FAM227B: variants seen among roughly 807,000 people sequenced by gnomAD.
FAM227B encodes the protein protein FAM227B.
A neutral mutation model predicts 73.8 loss-of-function variants in FAM227B; 88 were observed. That is an observed-to-expected ratio of 1.19 (90% CI 1.00 to 1.42). FAM227B has a LOEUF of 1.42. Among genes scored for constraint, FAM227B ranks in the 40% most tolerant of loss-of-function variants. The pLI is 0.00. For synonymous variants in FAM227B, 210 were observed against 190.5 expected (o/e 1.10, Z -0.84); for missense variants, 632 against 590.9 (o/e 1.07, Z -0.72).
intron 12 of FAM227B, among the ~76,000 whole-genome samples, chr15:49,368,164 T>C (rs1307223609): frequency 6.6e-6 from 1 of 151,856 alleles, no homozygotes; most frequent in Non-Finnish European, 1.5e-5. Flanking sequence ...TGGGATAGCA[T>C]AGAGGTGCTG....
At chr15:49,424,612 C>T (rs377247133) in intron 11 of FAM227B, 6 of 1,491,102 alleles carry the variant, frequency 4.0e-6, no homozygotes, top group African/African-American at 2.8e-5. Context: ...TGCTCATGAA[C>T]CTTAGCAATC....
chr15:49,335,618 A>G, intron 13 of FAM227B, 122 bp from the exon 14 acceptor site: 1 of 612,768 alleles, frequency 1.6e-6, no homozygotes, highest in East Asian at 2.7e-5. Flanking sequence ...AAGAGTCTCA[A>G]GTATAAACAT....
rs115552308 is a variant in FAM227B at position 49,602,178 on chromosome 15, T to C, written c.105+9037A>G. On this transcript the variant is annotated intron_variant, in intron 3 of 15. Coordinates refer to ENST00000299338, the MANE Select transcript of FAM227B (RefSeq NM_152647.3). The stretch of plus-strand genomic sequence containing the variant: ...TACACTCAGCAGTGGGACTGCTAGA[T>C]TGTATGGTAGCTCTATCTTTAGATT... 8.1e-3 allele frequency among the ~76,000 whole-genome samples: 1,236 copies of C among 152,304 alleles called. 20 individuals are homozygous for C. Among genetic ancestry groups the C allele is most frequent in the African/African-American group, 0.029 (1,199 of 41,566 alleles).
At chr15:49,611,330 A>G (rs1161485604) in intron 2 of FAM227B, 62 bp from the exon 3 acceptor site, 5 of 832,216 alleles carry the variant, frequency 6.0e-6, no homozygotes, top group African/African-American at 1.7e-5. Flanking sequence ...CATAATATTT[A>G]CAAATAATTT....
intron 11 of FAM227B, chr15:49,487,160 T>A (rs2056462499): frequency 6.6e-6 from 1 of 151,870 alleles, no homozygotes; most frequent in South Asian, 2.1e-4. Context: ...CTGTGATGAT[T>A]TGACTCAAAA....
At chr15:49,368,933 A>G (rs1457387549) in intron 12 of FAM227B, among the ~76,000 whole-genome samples, 1 of 152,090 alleles carries the variant, frequency 6.6e-6, no homozygotes, top group Non-Finnish European at 1.5e-5. Context: ...ATTAAATGCA[A>G]TCCCGTGGTG....
At chr15:49,352,603 AT>A (rs138208207) in intron 13 of FAM227B, among the ~76,000 whole-genome samples, 3 of 152,116 alleles carry the variant, frequency 2.0e-5, no homozygotes, top group South Asian at 2.1e-4. Flanking sequence ...GTTATGCATA[AT>A]TTTTTTGTCC....
At chr15:49,390,615 C>T (rs2047153448) in intron 11 of FAM227B, among the ~76,000 whole-genome samples, 1 of 152,058 alleles carries the variant, frequency 6.6e-6, no homozygotes, top group Non-Finnish European at 1.5e-5. Flanking sequence ...ATTCTAACCT[C>T]ATTTCAGGCT....
intron 10 of FAM227B, among the ~76,000 whole-genome samples, chr15:49,532,898 T>G (rs2060716753): frequency 6.6e-6 from 1 of 151,868 alleles, no homozygotes; most frequent in African/African-American, 2.4e-5. Flanking sequence ...CATACAATCT[T>G]TTTCATATTT....
intron 11 of FAM227B, among the ~76,000 whole-genome samples, chr15:49,502,728 A>T (rs2058243750): frequency 6.6e-6 from 1 of 152,176 alleles, no homozygotes; most frequent in South Asian, 2.1e-4. Flanking sequence ...TGTGAGAAGG[A>T]CAAGATTTGG....
chr15:49,609,446 A>G (rs2077743316), intron 3 of FAM227B, among the ~76,000 whole-genome samples: 1 of 151,960 alleles, frequency 6.6e-6, no homozygotes, highest in Admixed American at 6.5e-5. Context: ...AAGACAAGAG[A>G]AACAAGTAGC....
chr15:49,543,677 T>C (rs975544497), intron 9 of FAM227B, among the ~76,000 whole-genome samples: 1 of 152,120 alleles, frequency 6.6e-6, no homozygotes, highest in Admixed American at 6.6e-5. Context: ...AGTTGACTTT[T>C]GTATAAGAGA....
intron 9 of FAM227B, among the ~76,000 whole-genome samples, chr15:49,553,084 G>C (rs192887182): frequency 6.6e-6 from 1 of 152,078 alleles, no homozygotes; most frequent in Non-Finnish European, 1.5e-5. Context: ...CACTGTCTGC[G>C]CTTATTTATA....
chr15:49,395,056 G>A (rs527817710), intron 11 of FAM227B, among the ~76,000 whole-genome samples: 6 of 152,234 alleles, frequency 3.9e-5, no homozygotes, highest in East Asian at 1.9e-4. Flanking sequence ...GTTAATCCAT[G>A]AGAGTCTGAA....
At chr15:49,580,396 G>A (rs2075738191) in intron 5 of FAM227B, among the ~76,000 whole-genome samples, 1 of 152,056 alleles carries the variant, frequency 6.6e-6, no homozygotes. Flanking sequence ...GCCAATACAT[G>A]CCCCGATAAA....
chr15:49,395,325 C>A (rs1455373731), intron 11 of FAM227B, among the ~76,000 whole-genome samples: 3 of 151,906 alleles, frequency 2.0e-5, no homozygotes, highest in Non-Finnish European at 2.9e-5. Context: ...TATAGTAGTT[C>A]TTGTAGGCAA....
intron 11 of FAM227B, 88 bp from the exon 12 acceptor site, chr15:49,371,487 T>A (rs537970945): frequency 1.4e-6 from 1 of 706,356 alleles, no homozygotes; most frequent in African/African-American, 1.8e-5. Flanking sequence ...CTTTTAACAA[T>A]GCACCCTAAA....
intron 9 of FAM227B, among the ~76,000 whole-genome samples, chr15:49,549,978 C>T: frequency 8.5e-6 from 1 of 117,814 alleles, no homozygotes. Flanking sequence ...CCCCCACCTC[C>T]CTCCCAGACG....
chr15:49,557,531 G>A (rs1235698156), intron 9 of FAM227B, among the ~76,000 whole-genome samples: 1 of 152,180 alleles, frequency 6.6e-6, no homozygotes, highest in Non-Finnish European at 1.5e-5. Flanking sequence ...AAACAAAGTG[G>A]TGAGTAAATA....
Sources: allele counts gnomAD v4.1 joint callset (sites outside exome capture counted in the v4.1 genomes callset), GRCh38; gene constraint gnomAD v4.1.1; transcripts MANE v1.5; gene names NCBI Gene and HGNC (gene_info 2026-07-23, HGNC 2026-07-21).